The following WNT5B variants were observed in gnomAD, a reference collection of about 807,000 sequenced individuals.
WNT5B encodes protein Wnt-5b.
WNT5B carries 18 observed loss-of-function variants against 36.5 expected under a neutral mutation model. The observed-to-expected ratio is 0.49, with a 90% confidence interval of 0.34 to 0.73. The LOEUF (loss-of-function observed/expected upper bound fraction) is 0.73. Ranked by LOEUF, WNT5B falls within the 30% of genes least tolerant of loss-of-function variation. WNT5B has a pLI of 0.01. For missense variants in WNT5B, 424 were observed against 508.4 expected (o/e 0.83, Z 1.60); for synonymous variants, 213 against 212.3 (o/e 1.00, Z -0.03).
chr12:1,636,573 C>T (rs1330700510), intron 3 of WNT5B, among the ~76,000 whole-genome samples: 6 of 127,802 alleles, frequency 4.7e-5, no homozygotes, highest in Non-Finnish European at 7.9e-5. Flanking sequence ...CAGGGTCTTA[C>T]TCTGCTCCCC....
intron 1 of WNT5B, among the ~76,000 whole-genome samples, chr12:1,617,436 A>T (rs1314534980): frequency 6.6e-6 from 1 of 151,652 alleles, no homozygotes; most frequent in African/African-American, 2.4e-5. Context: ...GGAGTTCAAG[A>T]CTAGTCTGGG....
intron 4 of WNT5B, chr12:1,645,134 G>T (rs764679392): frequency 6.7e-6 from 1 of 148,406 alleles, no homozygotes; most frequent in African/African-American, 2.4e-5. Context: ...GGCTAACCAC[G>T]GCTATGCCAG....
rs1235647957 is a variant in WNT5B, at chr12:1,618,428, A to G, written c.-58+1285A>G. ...GCACAAATAAATGTTTTTCCCCTAT[A>G]GTACAATACCCCAGAACTCTAGATC... On this transcript the variant is annotated intron_variant, in intron 1 of 4. Transcript: ENST00000310594. This position sits in a 1 kb window ranked among gnomAD's most constrained non-coding sequence, Gnocchi z 4.1. 6.6e-6 allele frequency among the ~76,000 whole-genome samples: 1 copy of G among 152,154 alleles called. No individual in the cohort carries two copies. The highest frequency in any genetic ancestry group is 1.5e-5 in the Non-Finnish European group (1 of 68,026).
At chr12:1,643,147 G>A (rs111629495) in intron 4 of WNT5B, among the ~76,000 whole-genome samples, 2,582 of 152,224 alleles carry the variant, frequency 0.017, 29 homozygotes, top group Middle Eastern at 0.024. Flanking sequence ...GTTTCTCTTG[G>A]CCTGCAAGAG....
intron 1 of WNT5B, among the ~76,000 whole-genome samples, chr12:1,622,818 T>G (rs1565603034): frequency 6.6e-6 from 1 of 152,174 alleles, no homozygotes; most frequent in African/African-American, 2.4e-5. Flanking sequence ...TGCCACACTA[T>G]TCCATGTCAC....
At chr12:1,619,435 G>T (rs1327156135) in intron 1 of WNT5B, among the ~76,000 whole-genome samples, 1 of 152,160 alleles carries the variant, frequency 6.6e-6, no homozygotes, top group South Asian at 2.1e-4. Context: ...ATTAAGGCTG[G>T]CAGGGAAAGG....
chr12:1,623,184 G>GGTTTTTTTTTTTTTTTTTTT (rs1272170104), intron 1 of WNT5B, among the ~76,000 whole-genome samples: 1 of 53,492 alleles, frequency 1.9e-5, no homozygotes, highest in African/African-American at 7.4e-5. Flanking sequence ...AGGGTTTTTT[G>GGTTTTTTTTTTTTTTTTTTT]TTGTTTTTTT....
intron 2 of WNT5B, 88 bp downstream of exon 2, chr12:1,631,522 G>A: frequency 6.3e-7 from 1 of 1,591,456 alleles, no homozygotes; most frequent in Non-Finnish European, 8.6e-7. Context: ...GTGTGTCACG[G>A]TAGTACCTTG....
intron 3 of WNT5B, among the ~76,000 whole-genome samples, chr12:1,634,675 T>TC (rs1419367537): frequency 6.6e-6 from 1 of 152,024 alleles, no homozygotes. Flanking sequence ...CCTCCCTTCC[T>TC]CCCCCCTGAG....
chr12:1,623,565 A>G (rs915870995), intron 1 of WNT5B, among the ~76,000 whole-genome samples: 3 of 152,272 alleles, frequency 2.0e-5, no homozygotes, highest in South Asian at 4.1e-4. Context: ...CTCGATCGCT[A>G]TATCTACTGA....
At chr12:1,637,538 C>G (rs546929498) in intron 3 of WNT5B, among the ~76,000 whole-genome samples, 40 of 147,362 alleles carry the variant, frequency 2.7e-4, no homozygotes, top group African/African-American at 9.9e-4. Flanking sequence ...GAGTTCAAGA[C>G]CAGCCTGGCC....
chr12:1,646,360 T>C lies in WNT5B; in HGVS notation c.*108T>C. ...TTTGTATAAGTAAATGGGTGGGTGC[T>C]ATACAATGGAAAGATGAAAATGGAA... On this transcript the variant is annotated 3_prime_UTR_variant, in exon 5 of 5. Coordinates refer to ENST00000397196, the MANE Select transcript of WNT5B (RefSeq NM_032642.3). 1.1e-6 allele frequency: 1 copy of C among 920,194 alleles called. No homozygotes were observed. 57.0% of individuals were successfully genotyped at this position (920,194 alleles called of 1,614,324 possible).
Position 1,646,017 on chromosome 12 carries a change from A to G in WNT5B, c.845A>G (p.Asp282Gly). Reference sequence around the variant, plus strand: ...ACCCCGGAGGACCTGGTCTATGTGGACCCCAGCCCCGACTACTGCCTGCGC... The same window carrying G: ...ACCCCGGAGGACCTGGTCTATGTGGGCCCCAGCCCCGACTACTGCCTGCGC... ...QPTPEDLVYV[D>G]PSPDYCLRNE... The change falls in exon 5 of 5, where the codon GAC becomes GGC. Residue 282 changes from aspartate (D) to glycine (G), a missense_variant. Physicochemically the swap from Asp to Gly is moderately conservative, Grantham distance 94 (BLOSUM62 -1). Transcript: ENST00000397196. The G allele has an allele frequency of 6.2e-7, 1 of 1,612,476 alleles. No individual in the cohort carries two copies. The highest frequency in any genetic ancestry group is 8.5e-7 in the Non-Finnish European group (1 of 1,179,932).
chr12:1,631,511 C>T (rs1384028136), intron 2 of WNT5B, 77 bp downstream of exon 2: 18 of 1,605,886 alleles, frequency 1.1e-5, no homozygotes, highest in Non-Finnish European at 3.4e-6. Context: ...GGAAGGGCAC[C>T]GTGTGTCACG....
chr12:1,642,587 A>T (rs2094577519), intron 4 of WNT5B, among the ~76,000 whole-genome samples: 1 of 152,198 alleles, frequency 6.6e-6, no homozygotes, highest in Non-Finnish European at 1.5e-5. Flanking sequence ...GGGAGAGGTC[A>T]GATTCACGGA....
upstream of WNT5B, among the ~76,000 whole-genome samples, chr12:1,626,789 TCTC>T (rs1404876474): frequency 6.6e-6 from 1 of 151,782 alleles, no homozygotes; most frequent in Non-Finnish European, 1.5e-5. Flanking sequence ...ATGGTCTCGA[TCTC>T]CTGACCTCAT....
Position 1,632,872 on chromosome 12 carries a change from A to G in WNT5B, c.295A>G (p.Asn99Asp). The G allele has an allele frequency of 6.2e-7, 1 of 1,613,880 alleles. No individual in the cohort carries two copies. The highest frequency in any genetic ancestry group is 2.2e-5 in the East Asian group (1 of 44,878). ...GCGGTGGAATTGCAGCACAGCGGAC[A>G]ACGCATCTGTCTTTGGGAGAGTCAT... is the stretch of plus-strand genomic sequence containing the variant. ...QRRWNCSTAD[N>D]ASVFGRVMQI... is the part of the protein sequence containing the mutation. Residue 99 changes from asparagine to aspartate, a missense_variant, in exon 3 of 5, where the codon AAC becomes GAC. Transcript: ENST00000397196. This position sits in a 1 kb window ranked among gnomAD's most constrained non-coding sequence, Gnocchi z 5.8.
At chr12:1,623,184 G>GTTTTTTTTTTT (rs1555156800) in intron 1 of WNT5B, among the ~76,000 whole-genome samples, 4 of 53,488 alleles carry the variant, frequency 7.5e-5, no homozygotes, top group Non-Finnish European at 1.3e-4. Context: ...AGGGTTTTTT[G>GTTTTTTTTTTT]TTGTTTTTTT....
intron 1 of WNT5B, among the ~76,000 whole-genome samples, chr12:1,623,460 G>T (rs1479861926): frequency 2.6e-5 from 4 of 152,082 alleles, no homozygotes; most frequent in Non-Finnish European, 4.4e-5. Context: ...CTCCCAAAGT[G>T]CTGGGATTAC....
Sources: allele counts gnomAD v4.1 joint callset (sites outside exome capture counted in the v4.1 genomes callset), GRCh38; gene constraint gnomAD v4.1.1; non-coding constraint Gnocchi (gnomAD v3.1); transcripts MANE v1.5; gene names NCBI Gene and HGNC (gene_info 2026-07-23, HGNC 2026-07-21).